Variants in THSD7A observed in about 807,000 individuals in gnomAD.
The protein encoded by THSD7A is thrombospondin type 1 domain containing 7A.
THSD7A carries 96 observed loss-of-function variants against 231.3 expected under a neutral mutation model. That is an observed-to-expected ratio of 0.41 (90% CI 0.35 to 0.49). The LOEUF (loss-of-function observed/expected upper bound fraction) is 0.49. Ranked by LOEUF, THSD7A falls within the 20% of genes least tolerant of loss-of-function variation. The pLI is 0.05. For missense variants in THSD7A, 2,290 were observed against 2,070.2 expected (o/e 1.11, Z -2.06); for synonymous variants, 940 against 743.3 (o/e 1.26, Z -4.30).
chr7:11,697,616 A>G (rs1452170529), intron 1 of THSD7A, among the ~76,000 whole-genome samples: 1 of 151,252 alleles, frequency 6.6e-6, no homozygotes. Flanking sequence ...TGTTTATTAG[A>G]CTCCAAAAGA....
intron 1 of THSD7A, among the ~76,000 whole-genome samples, chr7:11,769,147 ATATATAT>A (rs1199249318): frequency 1.4e-4 from 5 of 35,642 alleles, no homozygotes; most frequent in African/African-American, 4.3e-4. Flanking sequence ...ATATATATAT[ATATATAT>A]TTTTTTTTTT....
chr7:11,671,206 C>G lies in THSD7A; in HGVS notation c.191-34245G>C, dbSNP rs117483661. Among the ~76,000 whole-genome samples the G allele has an allele frequency of 5.3e-4, 81 of 152,276 alleles. No individual in the cohort carries two copies. The East Asian group carries it at 8.5e-3, about 16-fold the overall frequency. On this transcript the variant is annotated intron_variant, in intron 1 of 27. Coordinates refer to ENST00000423059, the MANE Select transcript of THSD7A (RefSeq NM_015204.3). ...CTGATGCTCCTAGCACTAGTGAAAT[C>G]AATCTTCAAAGTGAGATGGAAACCT...
chr7:11,644,861 A>C (rs1782220505), intron 1 of THSD7A, among the ~76,000 whole-genome samples: 1 of 151,972 alleles, frequency 6.6e-6, no homozygotes, highest in South Asian at 2.1e-4. Context: ...TACCAATAGT[A>C]TGAGGAATGT....
intron 17 of THSD7A, chr7:11,413,946 G>C (rs188104644): frequency 6.6e-6 from 1 of 152,358 alleles, no homozygotes. Context: ...TTCCCTGGCA[G>C]TCCCACCCCT....
chr7:11,466,907 T>G (rs973899775), intron 9 of THSD7A, among the ~76,000 whole-genome samples: 4 of 152,092 alleles, frequency 2.6e-5, no homozygotes, highest in African/African-American at 9.7e-5. Context: ...AAACCCATTA[T>G]GCCTCACATG....
intron 1 of THSD7A, among the ~76,000 whole-genome samples, chr7:11,826,082 A>G (rs1211763296): frequency 6.6e-6 from 1 of 152,346 alleles, no homozygotes; most frequent in East Asian, 1.9e-4. Flanking sequence ...AAAGTAAAAA[A>G]AGATAACATT....
intron 13 of THSD7A, among the ~76,000 whole-genome samples, chr7:11,439,568 C>T (rs968873334): frequency 1.3e-4 from 19 of 151,998 alleles, no homozygotes; most frequent in Non-Finnish European, 2.6e-4. Flanking sequence ...AGTAGTACTC[C>T]TGTGAACACA....
At chr7:11,740,944 G>A (rs1355123268) in intron 1 of THSD7A, among the ~76,000 whole-genome samples, 1 of 151,900 alleles carries the variant, frequency 6.6e-6, no homozygotes, top group Admixed American at 6.6e-5. Context: ...ACATAACGCT[G>A]TTTATGTGAA....
chr7:11,786,759 T>TAAAAAAAAA (rs58923353), intron 1 of THSD7A, among the ~76,000 whole-genome samples: 2 of 108,644 alleles, frequency 1.8e-5, no homozygotes, highest in Non-Finnish European at 4.0e-5. Context: ...AGTATAATAA[T>TAAAAAAAAA]AAAAAAAAAA....
chr7:11,806,183 G>C (rs890408979), intron 1 of THSD7A, among the ~76,000 whole-genome samples: 1 of 152,100 alleles, frequency 6.6e-6, no homozygotes, highest in African/African-American at 2.4e-5. Context: ...CTTCCTCTGA[G>C]GGTTAACAAG....
At chr7:11,792,232 T>A (rs1042930261) in intron 1 of THSD7A, among the ~76,000 whole-genome samples, 3 of 151,968 alleles carry the variant, frequency 2.0e-5, no homozygotes, top group Non-Finnish European at 4.4e-5. Flanking sequence ...TTTTGAATCA[T>A]AACTGATCAG....
At chr7:11,608,332 T>C (rs1402250917) in intron 2 of THSD7A, among the ~76,000 whole-genome samples, 1 of 152,192 alleles carries the variant, frequency 6.6e-6, no homozygotes, top group Non-Finnish European at 1.5e-5. Flanking sequence ...ATGTTTTAGA[T>C]ATCAATAACT....
In THSD7A at chr7:11,746,871, C is replaced by A. The variant is rs938057731; in HGVS notation, c.190+84886G>T. ...GAGTATCTAAAAGATTATTTTAAAT[C>A]TTCTATAAGGAAGATTGGTCCTTTC... On this transcript the variant is annotated intron_variant, in intron 1 of 27. Transcript: ENST00000423059. Among the ~76,000 whole-genome samples the A allele has an allele frequency of 5.9e-5, 9 of 151,850 alleles. No homozygotes were observed. The East Asian group carries it at 1.8e-3, about 30-fold the overall frequency.
chr7:11,636,644 C>G lies in THSD7A; in HGVS notation c.508G>C (p.Glu170Gln), dbSNP rs1584121724. The change falls in exon 2 of 28, where the codon GAG becomes CAG. Residue 170 changes from glutamate (E) to glutamine (Q), a missense_variant. By Grantham distance (29) the Glu-to-Gln change is conservative (BLOSUM62 2). Transcript: ENST00000423059. The surrounding 1 kb of genome is among the most constrained non-coding windows in gnomAD (Gnocchi z 10.0). ...CIQKDKDIPA[E>Q]DIICEYFEPK... ...TCAAAGTACTCACAGATGATATCCT[C>G]CGCAGGAATGTCTTTGTCTTTCTGG... 1 of 1,614,016 alleles carries G rather than the reference C, an allele frequency of 6.2e-7. No individual in the cohort carries two copies. The highest frequency in any genetic ancestry group is 1.3e-5 in the African/African-American group (1 of 75,038).
chr7:11,588,445 A>G (rs1780009010), intron 4 of THSD7A, among the ~76,000 whole-genome samples: 2 of 152,202 alleles, frequency 1.3e-5, no homozygotes, highest in South Asian at 2.1e-4. Context: ...CATGTTACAT[A>G]TTTACATGAT....
intron 4 of THSD7A, among the ~76,000 whole-genome samples, chr7:11,554,859 C>T (rs1261232284): frequency 6.6e-6 from 1 of 151,662 alleles, no homozygotes; most frequent in Non-Finnish European, 1.5e-5. Flanking sequence ...TTATTCTTCC[C>T]ATGTAGTCTA....
intron 6 of THSD7A, among the ~76,000 whole-genome samples, chr7:11,525,655 A>C (rs1219903828): frequency 6.6e-6 from 1 of 152,110 alleles, no homozygotes; most frequent in African/African-American, 2.4e-5. Context: ...CTTGGGTATA[A>C]ATTTTCCCAA....
At chr7:11,652,331 TA>T (rs1347945967) in intron 1 of THSD7A, among the ~76,000 whole-genome samples, 1 of 151,944 alleles carries the variant, frequency 6.6e-6, no homozygotes, top group African/African-American at 2.4e-5. Flanking sequence ...AGGATAAGAA[TA>T]AATTTGGTTT....
rs112850860 is a variant in THSD7A, at chr7:11,767,271, G to A, written c.190+64486C>T. On this transcript the variant is annotated intron_variant, in intron 1 of 27. Transcript: ENST00000423059. ...CTTGTACCAGAATCCCATTTTATTC[G>A]CAACCAAAGCCAGTCATTATGATGA... Among the ~76,000 whole-genome samples, 1,316 of 152,084 alleles carry A rather than the reference G, an allele frequency of 8.7e-3. 23 individuals carry two copies. The highest frequency in any genetic ancestry group is 0.029 in the African/African-American group (1,195 of 41,480).
Sources: allele counts gnomAD v4.1 joint callset (sites outside exome capture counted in the v4.1 genomes callset), GRCh38; gene constraint gnomAD v4.1.1; non-coding constraint Gnocchi (gnomAD v3.1); transcripts MANE v1.5; gene names NCBI Gene and HGNC (gene_info 2026-07-23, HGNC 2026-07-21).